Variants in FAM13A observed in about 807,000 individuals in gnomAD.
FAM13A encodes protein FAM13A.
A neutral mutation model predicts 129.6 loss-of-function variants in FAM13A; 76 were observed. That is an observed-to-expected ratio of 0.59 (90% CI 0.49 to 0.71). The LOEUF is 0.71. FAM13A is among the 30% of genes least tolerant of loss of function. The pLI, the probability that FAM13A is intolerant of heterozygous loss-of-function variation, is 0.00. For synonymous variants in FAM13A, 443 were observed against 449.9 expected (o/e 0.98, Z 0.20); for missense variants, 1,108 against 1,249.3 (o/e 0.89, Z 1.70).
At chr4:88,814,828 T>A (rs1730389871) in intron 7 of FAM13A, among the ~76,000 whole-genome samples, 1 of 152,028 alleles carries the variant, frequency 6.6e-6, no homozygotes, top group Non-Finnish European at 1.5e-5. Flanking sequence ...TTCTAGTAAG[T>A]TCAAGTTTTC....
In FAM13A at chr4:88,944,224, C is replaced by T. The variant is rs375876600; in HGVS notation, c.606-5983G>A. Among the ~76,000 whole-genome samples, 9 of 152,092 alleles carry T rather than the reference C, an allele frequency of 5.9e-5. No homozygotes were observed. The East Asian group carries it at 9.7e-4, about 16-fold the overall frequency. Reference sequence around the variant, plus strand: ...AAAATTAGCTGGGCATGATGGCATGCGCCTATGGTTCCAGCTACCCAGGAG... The same window carrying T: ...AAAATTAGCTGGGCATGATGGCATGTGCCTATGGTTCCAGCTACCCAGGAG... On this transcript the variant is annotated intron_variant, in intron 4 of 23. Coordinates refer to ENST00000264344, the MANE Select transcript of FAM13A (RefSeq NM_014883.4).
intron 6 of FAM13A, among the ~76,000 whole-genome samples, chr4:88,859,403 G>A (rs921419427): frequency 4.6e-5 from 7 of 152,082 alleles, no homozygotes; most frequent in South Asian, 2.1e-4. Context: ...CTCTCAGCCC[G>A]TCCAGGAGAT....
intron 6 of FAM13A, among the ~76,000 whole-genome samples, chr4:88,853,856 T>G (rs1405306637): frequency 6.6e-6 from 1 of 152,100 alleles, no homozygotes; most frequent in Non-Finnish European, 1.5e-5. Context: ...ACTGGCTGAG[T>G]GTTCAAGCCT....
chr4:88,836,993 A>AT (rs1034121637), intron 7 of FAM13A, among the ~76,000 whole-genome samples: 2 of 151,696 alleles, frequency 1.3e-5, no homozygotes, highest in Admixed American at 1.3e-4. Flanking sequence ...AATGATGATT[A>AT]TTTTTATTTT....
intron 7 of FAM13A, among the ~76,000 whole-genome samples, chr4:88,817,507 G>A (rs562738924): frequency 1.2e-4 from 18 of 151,798 alleles, no homozygotes; most frequent in African/African-American, 3.6e-4. Flanking sequence ...AGGTTGCAAT[G>A]AGCCAAGATC....
At chr4:88,951,717 G>A (rs1254584357) in intron 4 of FAM13A, among the ~76,000 whole-genome samples, 1 of 152,018 alleles carries the variant, frequency 6.6e-6, no homozygotes, top group South Asian at 2.1e-4. Flanking sequence ...TTAAAGTTCT[G>A]TTCCTCTCTC....
chr4:88,730,998 G>C (rs981947729), intron 23 of FAM13A, among the ~76,000 whole-genome samples: 1 of 152,148 alleles, frequency 6.6e-6, no homozygotes, highest in Non-Finnish European at 1.5e-5. Context: ...AAAAGCGTTG[G>C]TGCCACCACC....
At chr4:89,013,249 A>G (rs1019389617) in intron 3 of FAM13A, among the ~76,000 whole-genome samples, 1 of 150,974 alleles carries the variant, frequency 6.6e-6, no homozygotes, top group Non-Finnish European at 1.5e-5. Flanking sequence ...AAGGAAGTTT[A>G]TTTTATAGAG....
intron 5 of FAM13A, among the ~76,000 whole-genome samples, chr4:88,927,172 C>T (rs1752329613): frequency 6.6e-6 from 1 of 151,842 alleles, no homozygotes; most frequent in Non-Finnish European, 1.5e-5. Context: ...AGATCTTTCA[C>T]CTTCTTGTTT....
chr4:88,837,516 G>A (rs566232168), intron 7 of FAM13A, among the ~76,000 whole-genome samples: 59 of 150,918 alleles, frequency 3.9e-4, no homozygotes, highest in African/African-American at 1.3e-3. Flanking sequence ...GGGAGTTTGA[G>A]ACCAGCCTGA....
At chr4:88,740,434 C>T (rs1355948345) in intron 19 of FAM13A, among the ~76,000 whole-genome samples, 2 of 152,190 alleles carry the variant, frequency 1.3e-5, no homozygotes, top group East Asian at 1.9e-4. Context: ...CCATAAATAT[C>T]AGTCAAATGA....
chr4:88,893,832 A>AC (rs974589270), intron 6 of FAM13A, among the ~76,000 whole-genome samples: 5 of 151,430 alleles, frequency 3.3e-5, no homozygotes, highest in African/African-American at 1.2e-4. Flanking sequence ...GTCTCAAAAA[A>AC]AAAAAAAAAA....
intron 19 of FAM13A, among the ~76,000 whole-genome samples, chr4:88,746,348 A>G (rs1226973329): frequency 6.6e-6 from 1 of 152,216 alleles, no homozygotes; most frequent in East Asian, 1.9e-4. Context: ...CATTTAAGCA[A>G]TGCTTGCTGA....
intron 7 of FAM13A, among the ~76,000 whole-genome samples, chr4:88,817,008 G>A (rs76129750): frequency 0.013 from 2,025 of 152,190 alleles, 35 homozygotes; most frequent in African/African-American, 0.044. Flanking sequence ...ATGGATAAAC[G>A]AAATTTGCTA....
At chr4:89,042,394 C>A (rs1770267353) in intron 1 of FAM13A, among the ~76,000 whole-genome samples, 6 of 152,100 alleles carry the variant, frequency 3.9e-5, no homozygotes, top group Admixed American at 3.9e-4. Flanking sequence ...CAATTATTTA[C>A]TGAATACGTT....
intron 2 of FAM13A, among the ~76,000 whole-genome samples, chr4:89,026,595 A>G (rs909615007): frequency 3.9e-5 from 6 of 152,214 alleles, no homozygotes; most frequent in African/African-American, 1.4e-4. Flanking sequence ...AAAGCGAGGC[A>G]CCTTCTTCAC....
At chr4:88,750,786 G>A (rs909385700) in intron 14 of FAM13A, 149 bp from the exon 15 acceptor site, 2 of 621,598 alleles carry the variant, frequency 3.2e-6, no homozygotes, top group Non-Finnish European at 5.7e-6. Context: ...CCAGGCTAAG[G>A]ACACCGCGCC....
chr4:88,994,646 C>T (rs1046303328), intron 3 of FAM13A, among the ~76,000 whole-genome samples: 2 of 152,090 alleles, frequency 1.3e-5, no homozygotes, highest in Non-Finnish European at 2.9e-5. Context: ...TTGAGACCAG[C>T]CTGGGCAACA....
intron 22 of FAM13A, 28 bp from the exon 23 acceptor site, chr4:88,731,456 A>ATTT: frequency 7.5e-7 from 1 of 1,341,254 alleles, no homozygotes; most frequent in Non-Finnish European, 1.0e-6. Flanking sequence ...TTGCAAGGAA[A>ATTT]TTAAGTTAAA....
Sources: allele counts gnomAD v4.1 joint callset (sites outside exome capture counted in the v4.1 genomes callset), GRCh38; gene constraint gnomAD v4.1.1; transcripts MANE v1.5; gene names NCBI Gene and HGNC (gene_info 2026-07-23, HGNC 2026-07-21).